The following SOX5 variants were observed in gnomAD, a reference collection of about 807,000 sequenced individuals.
The protein encoded by SOX5 is transcription factor SOX-5.
Under a neutral mutation model 92.0 loss-of-function variants are expected in SOX5, and 9 were observed. The observed-to-expected ratio is 0.10, with a 90% confidence interval of 0.06 to 0.17. The LOEUF (loss-of-function observed/expected upper bound fraction) is 0.17. SOX5 is among the 10% of genes least tolerant of loss of function. SOX5 has a pLI of 1.00. For synonymous variants in SOX5, 344 were observed against 336.3 expected (o/e 1.02, Z -0.25); for missense variants, 642 against 944.5 (o/e 0.68, Z 4.20).
chr12:23,745,779 C>T (rs992080793), intron 4 of SOX5, among the ~76,000 whole-genome samples: 1 of 152,070 alleles, frequency 6.6e-6, no homozygotes, highest in Non-Finnish European at 1.5e-5. Flanking sequence ...ATGTGTAGAT[C>T]TTTATTATAG....
chr12:24,220,605 G>C (rs1960173996), intron 3 of SOX5, among the ~76,000 whole-genome samples: 1 of 152,036 alleles, frequency 6.6e-6, no homozygotes, highest in South Asian at 2.1e-4. Flanking sequence ...TTTTCCAAAG[G>C]TTCTAAGTTG....
At chr12:23,861,928 C>T (rs1236328428) in intron 2 of SOX5, among the ~76,000 whole-genome samples, 1 of 152,118 alleles carries the variant, frequency 6.6e-6, no homozygotes, top group Non-Finnish European at 1.5e-5. Context: ...AGGGGGTAAA[C>T]ACAAAGACAG....
chr12:24,221,546 A>G (rs947897754), intron 3 of SOX5, among the ~76,000 whole-genome samples: 1 of 152,192 alleles, frequency 6.6e-6, no homozygotes, highest in African/African-American at 2.4e-5. Flanking sequence ...TCTTAATGCA[A>G]TACTACCTAA....
At chr12:23,679,002 A>C in intron 6 of SOX5, among the ~76,000 whole-genome samples, 1 of 152,228 alleles carries the variant, frequency 6.6e-6, no homozygotes, top group East Asian at 1.9e-4. Flanking sequence ...TTCAGCATGT[A>C]AATTCTTCTA....
In SOX5 at chr12:23,809,586, C is replaced by A. The variant is rs568596179; in HGVS notation, c.481+36397G>T. On this transcript the variant is annotated intron_variant, in intron 3 of 14. Coordinates refer to ENST00000451604, the MANE Select transcript of SOX5 (RefSeq NM_006940.6). ...AATACCTTAAAATCAATTTAAGAATCATCTATTTAGTTTTTGAAACATACT... is the reference window on the plus strand; with the variant it reads ...AATACCTTAAAATCAATTTAAGAATAATCTATTTAGTTTTTGAAACATACT... 6.0e-5 allele frequency among the ~76,000 whole-genome samples: 9 copies of A among 149,262 alleles called. No homozygotes were observed. In the South Asian group the frequency reaches 1.9e-3, roughly 32 times the overall value.
intron 8 of SOX5, among the ~76,000 whole-genome samples, chr12:23,623,252 G>C (rs1039646532): frequency 1.3e-5 from 2 of 152,122 alleles, no homozygotes; most frequent in Non-Finnish European, 2.9e-5. Context: ...AGTAGAGACA[G>C]AAGCATAAAG....
intron 3 of SOX5, among the ~76,000 whole-genome samples, chr12:23,760,681 T>C (rs1225633262): frequency 6.6e-6 from 1 of 152,062 alleles, no homozygotes; most frequent in Non-Finnish European, 1.5e-5. Flanking sequence ...TCATTCCCTA[T>C]AACTCTCACT....
At chr12:23,873,426 T>C (rs1276883602) in intron 2 of SOX5, among the ~76,000 whole-genome samples, 3 of 152,158 alleles carry the variant, frequency 2.0e-5, no homozygotes, top group Non-Finnish European at 2.9e-5. Context: ...CGAGCCAAGA[T>C]AGTGCCACTG....
chr12:24,169,602 A>T (rs1244091944), intron 4 of SOX5, among the ~76,000 whole-genome samples: 1 of 152,138 alleles, frequency 6.6e-6, no homozygotes, highest in African/African-American at 2.4e-5. Flanking sequence ...CATTCATCCA[A>T]CATGTATTTT....
chr12:24,443,125 G>C (rs1288111670), intron 1 of SOX5, among the ~76,000 whole-genome samples: 1 of 151,800 alleles, frequency 6.6e-6, no homozygotes, highest in African/African-American at 2.4e-5. Flanking sequence ...CTAATTTTTT[G>C]TATTTTAGTA....
Position 23,846,273 on chromosome 12 carries a change from A to C in SOX5, c.271-80T>G, listed in dbSNP as rs2096574113. The stretch of plus-strand genomic sequence containing the variant: ...GGACAAATAATTGTTTACCTGAAAG[A>C]GAAAGCAAAAGGACAAATAATTGTT... On this transcript the variant is annotated intron_variant, in intron 2 of 14. Coordinates refer to ENST00000451604, the MANE Select transcript of SOX5 (RefSeq NM_006940.6). The C allele has an allele frequency of 2.8e-6, 3 of 1,080,078 alleles. No homozygotes were observed. In the Admixed American group the frequency reaches 5.7e-5, roughly 21 times the overall value. 66.9% of individuals were successfully genotyped at this position (1,080,078 alleles called of 1,614,324 possible).
At chr12:24,534,746 T>C (rs1480849185) in intron 1 of SOX5, among the ~76,000 whole-genome samples, 1 of 152,140 alleles carries the variant, frequency 6.6e-6, no homozygotes, top group East Asian at 1.9e-4. Context: ...AGTCTGTGCA[T>C]CCAAAGCCTC....
chr12:23,967,715 G>A (rs2140099016), intron 4 of SOX5, among the ~76,000 whole-genome samples: 1 of 152,166 alleles, frequency 6.6e-6, no homozygotes, highest in Non-Finnish European at 1.5e-5. Flanking sequence ...ATGAAGGATT[G>A]GAAAGACTTC....
At chr12:24,458,186 C>T (rs753456387) in intron 1 of SOX5, among the ~76,000 whole-genome samples, 4 of 152,086 alleles carry the variant, frequency 2.6e-5, no homozygotes, top group Admixed American at 6.5e-5. Context: ...AATCTGGCAA[C>T]GTATCCTAAA....
intron 4 of SOX5, among the ~76,000 whole-genome samples, chr12:24,056,270 C>T (rs1255926610): frequency 2.0e-5 from 3 of 152,102 alleles, no homozygotes; most frequent in African/African-American, 7.2e-5. Context: ...TAGATCCACA[C>T]TTACACAACA....
At chr12:24,250,411 A>G (rs142416860) in intron 3 of SOX5, among the ~76,000 whole-genome samples, 3 of 152,192 alleles carry the variant, frequency 2.0e-5, no homozygotes, top group Non-Finnish European at 4.4e-5. Flanking sequence ...AGAGATAGAC[A>G]CTTTTTGAGA....
chr12:24,187,991 T>C (rs1447205442), intron 4 of SOX5, among the ~76,000 whole-genome samples: 2 of 152,188 alleles, frequency 1.3e-5, no homozygotes, highest in Admixed American at 6.5e-5. Context: ...GCTGTTCTTA[T>C]AGATTTTAAT....
intron 6 of SOX5, among the ~76,000 whole-genome samples, chr12:23,726,316 C>T (rs919620320): frequency 1.2e-4 from 18 of 152,078 alleles, no homozygotes; most frequent in African/African-American, 9.7e-5. Flanking sequence ...TGAATCATGA[C>T]GTAACTGTGC....
At chr12:23,867,461 G>A (rs773157654) in intron 2 of SOX5, among the ~76,000 whole-genome samples, 4 of 152,048 alleles carry the variant, frequency 2.6e-5, no homozygotes, top group Admixed American at 6.6e-5. Flanking sequence ...TAAGAGATAC[G>A]GACTAACAGA....
Sources: gnomAD v4.1 joint callset for allele counts (sites outside exome capture counted in the v4.1 genomes callset) on GRCh38, gnomAD v4.1.1 for gene constraint, MANE v1.5 for transcripts, NCBI Gene and HGNC (gene_info 2026-07-23, HGNC 2026-07-21) for gene names.